CSMD1: variants seen among roughly 807,000 people sequenced by gnomAD.
CSMD1 encodes CUB and sushi domain-containing protein 1.
In CSMD1, 213 loss-of-function variants were observed where a neutral mutation model predicts 417.5. That is an observed-to-expected ratio of 0.51 (90% CI 0.46 to 0.57). The LOEUF (loss-of-function observed/expected upper bound fraction) is 0.57, where lower values mean the gene tolerates loss of function less well. Ranked by LOEUF, CSMD1 falls within the 20% of genes least tolerant of loss-of-function variation. The pLI is 0.00. For missense variants in CSMD1, 6,923 were observed against 4,529.7 expected (o/e 1.53, Z -15.17); for synonymous variants, 2,862 against 1,736.8 (o/e 1.65, Z -16.11).
intron 1 of CSMD1, among the ~76,000 whole-genome samples, chr8:4,656,023 T>C (rs1038200178): frequency 6.6e-6 from 1 of 152,086 alleles, no homozygotes; most frequent in African/African-American, 2.4e-5. Context: ...AACTGCATGC[T>C]CTGTTGGGAG....
chr8:4,749,956 C>T (rs1306725551), intron 1 of CSMD1, among the ~76,000 whole-genome samples: 1 of 151,814 alleles, frequency 6.6e-6, no homozygotes, highest in Non-Finnish European at 1.5e-5. Context: ...CTTCATGGTT[C>T]CCTCAAGTGC....
intron 10 of CSMD1, among the ~76,000 whole-genome samples, chr8:3,546,906 G>A (rs1798690384): frequency 6.6e-6 from 1 of 152,208 alleles, no homozygotes. Flanking sequence ...TGTTTCCACT[G>A]CTGCTTGAGT....
chr8:3,349,960 TATA>T (rs1808296914), intron 21 of CSMD1, among the ~76,000 whole-genome samples: 1 of 146,100 alleles, frequency 6.8e-6, no homozygotes, highest in Admixed American at 7.0e-5. Flanking sequence ...GTATGTGTGT[TATA>T]ATACCTATAA....
At chr8:4,856,410 TAAC>T (rs1275690006) in intron 1 of CSMD1, among the ~76,000 whole-genome samples, 3 of 142,108 alleles carry the variant, frequency 2.1e-5, no homozygotes, top group Non-Finnish European at 4.5e-5. Context: ...AATTCACACA[TAAC>T]AATATTAACT....
Position 3,522,894 on chromosome 8 carries a change from A to G in CSMD1, c.1345-29168T>C, listed in dbSNP as rs78745453. On this transcript the variant is annotated intron_variant, in intron 10 of 69. Transcript: ENST00000635120. ...ATTATATTAAATATTACCTTTCAAT[A>G]TATTTATATATTATCATGTATAAAA... is the stretch of plus-strand genomic sequence containing the variant. Among the ~76,000 whole-genome samples, 277 of 149,832 alleles carry G rather than the reference A, an allele frequency of 1.8e-3. 3 individuals are homozygous for G. The highest frequency in any genetic ancestry group is 6.6e-3 in the African/African-American group (269 of 41,028).
rs185272462 is a variant in CSMD1, at chr8:3,566,933, C to G, written c.1344+8012G>C. Among the ~76,000 whole-genome samples, 11 of 152,184 alleles carry G rather than the reference C, an allele frequency of 7.2e-5. No individual in the cohort carries two copies. The South Asian group carries it at 2.1e-3, about 29-fold the overall frequency. ...AGCAATCCCATTACTGGGTACATACCCAAAAGAATATAAATTGTTCTATCA... is the reference window on the plus strand; with the variant it reads ...AGCAATCCCATTACTGGGTACATACGCAAAAGAATATAAATTGTTCTATCA... On this transcript the variant is annotated intron_variant, in intron 10 of 69. Coordinates refer to ENST00000635120, the MANE Select transcript of CSMD1 (RefSeq NM_033225.6).
At chr8:3,105,001 C>T (rs11136579) in intron 46 of CSMD1, among the ~76,000 whole-genome samples, 108,420 of 152,172 alleles carry the variant, frequency 0.71, 40,371 homozygotes, top group East Asian at 0.96. Flanking sequence ...CCACCGCGCC[C>T]GGCCAGTTAT....
chr8:4,947,915 C>T (rs1478687994), intron 1 of CSMD1, among the ~76,000 whole-genome samples: 3 of 152,002 alleles, frequency 2.0e-5, no homozygotes, highest in Non-Finnish European at 2.9e-5. Flanking sequence ...GTAAGACATT[C>T]GGGTAATTCT....
intron 41 of CSMD1, among the ~76,000 whole-genome samples, chr8:3,126,247 G>C (rs1053422609): frequency 1.6e-4 from 25 of 152,136 alleles, no homozygotes; most frequent in African/African-American, 3.6e-4. Flanking sequence ...ATCAGTGTTG[G>C]CATATATTAG....
chr8:3,407,887 G>C lies in CSMD1; in HGVS notation c.2071+12C>G. 1 of 1,591,288 alleles carries C rather than the reference G, an allele frequency of 6.3e-7. No homozygotes were observed. The highest frequency in any genetic ancestry group is 8.6e-7 in the Non-Finnish European group (1 of 1,164,900). ...GAGAACTTGGATGTGTTGACTGTGT[G>C]GGCGTACTTACTGGTGTAAGTGATG... is the stretch of plus-strand genomic sequence containing the variant. On this transcript the variant is annotated intron_variant, in intron 14 of 69. Coordinates refer to ENST00000635120, the MANE Select transcript of CSMD1 (RefSeq NM_033225.6).
chr8:3,050,646 A>G (rs34481962), intron 50 of CSMD1, among the ~76,000 whole-genome samples: 2,444 of 152,308 alleles, frequency 0.016, 22 homozygotes, highest in East Asian at 0.031. Context: ...GTACCGTCTT[A>G]AATAGAAAAT....
At chr8:3,818,292 T>C (rs1801511983) in intron 5 of CSMD1, among the ~76,000 whole-genome samples, 1 of 152,040 alleles carries the variant, frequency 6.6e-6, no homozygotes, top group South Asian at 2.1e-4. Flanking sequence ...CCACAGGGTG[T>C]AGTGGGAGAG....
At chr8:3,381,538 T>C (rs970675255) in intron 18 of CSMD1, among the ~76,000 whole-genome samples, 3 of 152,188 alleles carry the variant, frequency 2.0e-5, no homozygotes, top group African/African-American at 7.2e-5. Context: ...TTATCATTCT[T>C]ATTGCAAATA....
At chr8:3,809,169 A>G (rs2129076036) in intron 5 of CSMD1, among the ~76,000 whole-genome samples, 1 of 152,132 alleles carries the variant, frequency 6.6e-6, no homozygotes, top group Non-Finnish European at 1.5e-5. Flanking sequence ...CACAGACCTC[A>G]TTCTTACTGT....
In CSMD1 at chr8:2,976,339, T is replaced by G. The variant is rs78214841; in HGVS notation, c.8567-1715A>C. ...TGTATGTGGTAGATCCGATTCATAA[T>G]GTAAGTGCCATTTCCCTCCTCATTT... On this transcript the variant is annotated intron_variant, in intron 55 of 69. Coordinates refer to ENST00000635120, the MANE Select transcript of CSMD1 (RefSeq NM_033225.6). Among the ~76,000 whole-genome samples, 778 of 152,240 alleles carry G rather than the reference T, an allele frequency of 5.1e-3. 6 individuals carry two copies. Among genetic ancestry groups the G allele is most frequent in the African/African-American group, 0.018 (734 of 41,542 alleles).
chr8:3,287,464 C>T (rs534098020), intron 25 of CSMD1, among the ~76,000 whole-genome samples: 1 of 152,162 alleles, frequency 6.6e-6, no homozygotes, highest in East Asian at 1.9e-4. Flanking sequence ...TGTTTGTATC[C>T]TCTTTTATTT....
intron 1 of CSMD1, among the ~76,000 whole-genome samples, chr8:4,948,863 T>G (rs1247856006): frequency 6.6e-6 from 1 of 152,158 alleles, no homozygotes; most frequent in African/African-American, 2.4e-5. Context: ...GTGTGAATCT[T>G]TTCATTCCGA....
chr8:3,617,067 G>C (rs753936450), intron 7 of CSMD1, among the ~76,000 whole-genome samples: 1 of 151,990 alleles, frequency 6.6e-6, no homozygotes, highest in Non-Finnish European at 1.5e-5. Context: ...AATCTCATTT[G>C]GTCCTTATGA....
At chr8:4,032,451 C>T (rs1797397594) in intron 3 of CSMD1, among the ~76,000 whole-genome samples, 1 of 152,150 alleles carries the variant, frequency 6.6e-6, no homozygotes, top group South Asian at 2.1e-4. Flanking sequence ...GTGTCAGCAA[C>T]CAGACACAGT....
Sources: allele counts gnomAD v4.1 joint callset (sites outside exome capture counted in the v4.1 genomes callset), GRCh38; gene constraint gnomAD v4.1.1; transcripts MANE v1.5; gene names NCBI Gene and HGNC (gene_info 2026-07-23, HGNC 2026-07-21).